TTC28: variants seen among roughly 807,000 people sequenced by gnomAD.
TTC28 encodes tetratricopeptide repeat protein 28.
Under a neutral mutation model 198.0 loss-of-function variants are expected in TTC28, and 61 were observed. The observed-to-expected ratio is 0.31, with a 90% CI of 0.25 to 0.38. The LOEUF (loss-of-function observed/expected upper bound fraction) is 0.38. TTC28 is among the 10% of genes least tolerant of loss of function. The pLI is 1.00. For synonymous variants in TTC28, 1,171 were observed against 1,297.8 expected (o/e 0.90, Z 2.10); for missense variants, 2,678 against 3,164.0 (o/e 0.85, Z 3.69).
intron 2 of TTC28, among the ~76,000 whole-genome samples, chr22:28,606,196 G>A (rs967825093): frequency 6.6e-6 from 1 of 151,180 alleles, no homozygotes; most frequent in African/African-American, 2.4e-5. Context: ...CGATTCTCCT[G>A]CCTCAGCCTC....
rs2051139050 is a variant in TTC28, at chr22:28,629,647, T to C, written c.286A>G (p.Ser96Gly). Residue 96 changes from serine to glycine, a missense_variant, in exon 2 of 23, where the codon AGC (serine) becomes GGC (glycine). Transcript: ENST00000397906. ...TTCATGTAGGCTGCAGATCTATTGCTGTATAAGATGCAGTTCTGAGGGTCA... is the reference window on the plus strand; with the variant it reads ...TTCATGTAGGCTGCAGATCTATTGCCGTATAAGATGCAGTTCTGAGGGTCA... ...AVDPQNCILY[S>G]NRSAAYMKIQ... The C allele has an allele frequency of 1.9e-6, 3 of 1,551,718 alleles. No individual in the cohort carries two copies. The highest frequency in any genetic ancestry group is 2.6e-6 in the Non-Finnish European group (3 of 1,146,982).
In TTC28 at chr22:28,458,361, T is replaced by C. The variant is rs1361464694; in HGVS notation, c.382-151718A>G. ...AGTATATTTTACCTTGAAGGTAGTA[T>C]GTACTTCATTTCAAATTTATATCTA... is the stretch of plus-strand genomic sequence containing the variant. On this transcript the variant is annotated intron_variant, in intron 2 of 22. Coordinates refer to ENST00000397906, the MANE Select transcript of TTC28 (RefSeq NM_001145418.2). 4.6e-5 allele frequency among the ~76,000 whole-genome samples: 7 copies of C among 152,210 alleles called. No individual in the cohort carries two copies. The South Asian group carries it at 1.0e-3, about 22-fold the overall frequency.
chr22:28,604,898 GTA>G (rs1316428119), intron 2 of TTC28, among the ~76,000 whole-genome samples: 1 of 152,114 alleles, frequency 6.6e-6, no homozygotes, highest in African/African-American at 2.4e-5. Context: ...TCACTGTCAA[GTA>G]TATATGACAA....
At chr22:28,192,267 T>C (rs1924887833) in intron 5 of TTC28, among the ~76,000 whole-genome samples, 1 of 151,832 alleles carries the variant, frequency 6.6e-6, no homozygotes, top group Non-Finnish European at 1.5e-5. Context: ...GGAAAGGACA[T>C]CCACACCAAA....
chr22:28,568,481 GCTC>G (rs2050014249), intron 2 of TTC28, among the ~76,000 whole-genome samples: 1 of 151,974 alleles, frequency 6.6e-6, no homozygotes, highest in African/African-American at 2.4e-5. Context: ...CTGTCTAAAG[GCTC>G]CTAGATCTGA....
At chr22:28,194,388 C>A (rs778176150) in intron 5 of TTC28, among the ~76,000 whole-genome samples, 7 of 152,068 alleles carry the variant, frequency 4.6e-5, no homozygotes, top group Non-Finnish European at 1.0e-4. Flanking sequence ...GAAGCAAGAG[C>A]AAACACATTC....
chr22:28,215,137 T>A (rs892975599), intron 5 of TTC28, among the ~76,000 whole-genome samples: 3 of 151,522 alleles, frequency 2.0e-5, no homozygotes, highest in African/African-American at 7.3e-5. Flanking sequence ...TGTGGTGGGG[T>A]TGGGGGAGGG....
chr22:28,646,216 G>C (rs1489606262), intron 1 of TTC28, among the ~76,000 whole-genome samples: 1 of 152,166 alleles, frequency 6.6e-6, no homozygotes, highest in African/African-American at 2.4e-5. Context: ...GTTTCAGGTT[G>C]CAAAATCGAT....
intron 5 of TTC28, among the ~76,000 whole-genome samples, chr22:28,277,172 A>G (rs961813934): frequency 6.6e-6 from 1 of 152,206 alleles, no homozygotes; most frequent in Non-Finnish European, 1.5e-5. Context: ...AAAGCAGTGG[A>G]CATCTGGTTA....
intron 12 of TTC28, among the ~76,000 whole-genome samples, chr22:28,037,467 AC>A (rs1417733991): frequency 1.3e-5 from 2 of 152,158 alleles, no homozygotes; most frequent in South Asian, 2.1e-4. Context: ...AAATTCAACA[AC>A]CCTTCATGCT....
chr22:28,550,217 A>G (rs913431368), intron 2 of TTC28, among the ~76,000 whole-genome samples: 2 of 152,158 alleles, frequency 1.3e-5, no homozygotes, highest in Non-Finnish European at 2.9e-5. Flanking sequence ...TCTTTAAAAG[A>G]ATTTTTTAGG....
intron 5 of TTC28, among the ~76,000 whole-genome samples, chr22:28,225,477 C>T (rs1190055995): frequency 6.6e-6 from 1 of 152,104 alleles, no homozygotes; most frequent in Non-Finnish European, 1.5e-5. Context: ...CCTGCTTCCA[C>T]CAAAGGAAAT....
In TTC28 at chr22:28,351,448, A is replaced by G. The variant is rs373234930; in HGVS notation, c.382-44805T>C. 7.2e-5 allele frequency among the ~76,000 whole-genome samples: 11 copies of G among 152,330 alleles called. No individual in the cohort carries two copies. In the East Asian group the frequency reaches 1.9e-3, roughly 27 times the overall value. ...TCTCTTGATCTCAAGAATCCCATAT[A>G]TGCTTTGAGACGTGAAAAGCCTTTG... On this transcript the variant is annotated intron_variant, in intron 2 of 22. Coordinates refer to ENST00000397906, the MANE Select transcript of TTC28 (RefSeq NM_001145418.2).
intron 6 of TTC28, among the ~76,000 whole-genome samples, chr22:28,125,559 A>G (rs1236509036): frequency 5.3e-5 from 8 of 152,230 alleles, no homozygotes. Flanking sequence ...AAAAGAACAA[A>G]GAATGGTTTT....
rs920301889 is a variant in TTC28 at position 27,978,864 on chromosome 22, T to A, written c.*3357A>T. The A allele has an allele frequency of 6.6e-6, 1 of 152,240 alleles. No individual in the cohort carries two copies. The highest frequency in any genetic ancestry group is 2.4e-5 in the African/African-American group (1 of 41,454). 9.4% of individuals were successfully genotyped at this position (152,240 alleles called of 1,614,324 possible). ...GAGAGGGGAGTTGTACGGCTTATAGTCATTGTATTTACATCTGATGGAGTA... is the reference window on the plus strand; with the variant it reads ...GAGAGGGGAGTTGTACGGCTTATAGACATTGTATTTACATCTGATGGAGTA... On this transcript the variant is annotated 3_prime_UTR_variant, in exon 23 of 23. Transcript: ENST00000397906.
chr22:28,369,506 T>C (rs569330509), intron 2 of TTC28, among the ~76,000 whole-genome samples: 5 of 152,326 alleles, frequency 3.3e-5, no homozygotes, highest in Admixed American at 6.5e-5. Flanking sequence ...AATAAAAGAC[T>C]GGTGTTAAAA....
intron 5 of TTC28, among the ~76,000 whole-genome samples, chr22:28,250,714 T>C (rs1295877741): frequency 2.6e-5 from 4 of 152,248 alleles, no homozygotes; most frequent in Non-Finnish European, 4.4e-5. Context: ...ATATTTAGTA[T>C]AGACACAACC....
intron 6 of TTC28, among the ~76,000 whole-genome samples, chr22:28,129,520 G>T (rs1383574573): frequency 2.6e-5 from 4 of 152,202 alleles, no homozygotes; most frequent in Admixed American, 2.0e-4. Context: ...CTGGCTGTGT[G>T]ATCTTAAGCA....
chr22:28,263,162 A>C (rs1034934062), intron 5 of TTC28, among the ~76,000 whole-genome samples: 1 of 152,178 alleles, frequency 6.6e-6, no homozygotes, highest in Non-Finnish European at 1.5e-5. Context: ...AGTTTTTGCC[A>C]TCAAAAGATC....
Sources: gnomAD v4.1 joint callset for allele counts (sites outside exome capture counted in the v4.1 genomes callset) on GRCh38, gnomAD v4.1.1 for gene constraint, MANE v1.5 for transcripts, NCBI Gene and HGNC (gene_info 2026-07-23, HGNC 2026-07-21) for gene names.